Variants in EIF1AD observed in about 807,000 individuals in gnomAD.
EIF1AD encodes eukaryotic translation initiation factor 1A domain containing, also known as probable RNA-binding protein EIF1AD.
EIF1AD carries 9 observed loss-of-function variants against 21.7 expected under a neutral mutation model. That is an observed-to-expected ratio of 0.41 (90% CI 0.25 to 0.72). The LOEUF (loss-of-function observed/expected upper bound fraction) is 0.72, where lower values mean the gene tolerates loss of function less well. EIF1AD is among the 30% of genes least tolerant of loss of function. EIF1AD has a pLI of 0.29. For missense variants in EIF1AD, 164 were observed against 199.7 expected (o/e 0.82, Z 1.08); for synonymous variants, 78 against 70.9 (o/e 1.10, Z -0.50).
At chr11:66,000,969 T>C (rs1855929058) in intron 1 of EIF1AD, among the ~76,000 whole-genome samples, 1 of 152,162 alleles carries the variant, frequency 6.6e-6, no homozygotes, top group South Asian at 2.1e-4. Flanking sequence ...ACTTGATCTA[T>C]TATGACTTTT....
chr11:65,998,113 G>C lies in EIF1AD; in HGVS notation c.*486C>G, dbSNP rs1855796474. The C allele has an allele frequency of 6.5e-6, 1 of 154,338 alleles. No homozygotes were observed. Among genetic ancestry groups the C allele is most frequent in the Non-Finnish European group, 1.4e-5 (1 of 69,394 alleles). The allele number at this position is 154,338 out of a possible 1,614,324, so 9.6% of individuals were successfully genotyped here. A position where few individuals can be genotyped will look rare whatever the true frequency, so the allele number is the denominator to read the frequency against. On this transcript the variant is annotated 3_prime_UTR_variant, in exon 6 of 6. Coordinates refer to ENST00000533544, the MANE Select transcript of EIF1AD (RefSeq NM_001242481.2). ...ACAGCACGAGGCACCATGGGCTCCT[G>C]AGCGTCTCTTAGAGGCAGGTGGGTG... is the stretch of plus-strand genomic sequence containing the variant.
Position 65,998,632 on chromosome 11 carries a change from A to T in EIF1AD, c.465T>A (p.Ser155Arg). The change falls in exon 6 of 6, where the codon AGT becomes AGA. Residue 155 changes from serine (S) to arginine (R), a missense_variant. Ser to Arg is a moderately radical substitution (Grantham distance 110, BLOSUM62 -1). Coordinates refer to ENST00000533544, the MANE Select transcript of EIF1AD (RefSeq NM_001242481.2). ...CCTCCTCCTCTTCACTCTCCTCCTC[A>T]CTCTCATGATACTGTCTGCGGTTTG... Reference protein sequence around the residue: ...VNTNRRQYHESEEESEEEEAA With the variant: ...VNTNRRQYHEREEESEEEEAA The T allele has an allele frequency of 6.2e-7, 1 of 1,613,940 alleles. No homozygotes were observed. The highest frequency in any genetic ancestry group is 2.2e-5 in the East Asian group (1 of 44,884).
chr11:65,999,285 C>T, intron 5 of EIF1AD, 65 bp downstream of exon 5: 1 of 1,607,054 alleles, frequency 6.2e-7, no homozygotes, highest in Non-Finnish European at 8.5e-7. Context: ...TCTATTTTTC[C>T]CTCAAGGCAC....
At position 66,000,079 on chromosome 11, in the gene EIF1AD, T is replaced by C. The variant is rs759316463; in HGVS notation, c.170A>G (p.Tyr57Cys). The change falls in exon 3 of 6, where the codon TAC (tyrosine) becomes TGC (cysteine). Residue 57 changes from tyrosine to cysteine, a missense_variant. Tyr to Cys is a radical substitution (Grantham distance 194). Transcript: ENST00000533544. ...TCTCTTGATCCAGATGTTCTTGCGGTATTTGGAGGGCATGCTCACCAGGAA... is the reference window on the plus strand; with the variant it reads ...TCTCTTGATCCAGATGTTCTTGCGGCATTTGGAGGGCATGCTCACCAGGAA... Reference protein sequence around the residue: ...QRFLVSMPSKYRKNIWIKRGD... With the variant: ...QRFLVSMPSKCRKNIWIKRGD... 7 of 1,613,748 alleles carry C rather than the reference T, an allele frequency of 4.3e-6. No homozygotes were observed. The highest frequency in any genetic ancestry group is 1.3e-5 in the African/African-American group (1 of 74,902).
At chr11:65,999,519 G>T in intron 4 of EIF1AD, 48 bp downstream of exon 4, 1 of 1,594,066 alleles carries the variant, frequency 6.3e-7, no homozygotes, top group Non-Finnish European at 8.6e-7. Flanking sequence ...AGCTAGGAAG[G>T]CAATGCCTCC....
rs1277351337 is a variant in EIF1AD, at chr11:65,998,748, A to T, written c.354-5T>A. The T allele has an allele frequency of 1.2e-6, 2 of 1,613,916 alleles. No homozygotes were observed. The highest frequency in any genetic ancestry group is 2.7e-5 in the African/African-American group (2 of 74,914). On this transcript the variant is annotated splice_polypyrimidine_tract_variant and splice_region_variant and intron_variant, in intron 5 of 5. Coordinates refer to ENST00000533544, the MANE Select transcript of EIF1AD (RefSeq NM_001242481.2). ...GGGAGTTCTGGTTGAGTTTGTCTGC[A>T]CGAAGGGAAGAGAGCAGGGTTAGCC...
At position 66,000,066 on chromosome 11, in the gene EIF1AD, G is replaced by A; in HGVS notation, c.183C>T (p.Ile61=). 1 of 1,613,514 alleles carries A rather than the reference G, an allele frequency of 6.2e-7. No homozygotes were observed. The highest frequency in any genetic ancestry group is 1.1e-5 in the South Asian group (1 of 91,062). The change falls in exon 3 of 6, where the codon ATC becomes ATT. Residue 61 remains isoleucine (I), a synonymous_variant. Transcript: ENST00000533544. Reference sequence around the variant, plus strand: ...TAATCCTCTCACCTCTCTTGATCCAGATGTTCTTGCGGTATTTGGAGGGCA... The same window carrying A: ...TAATCCTCTCACCTCTCTTGATCCAAATGTTCTTGCGGTATTTGGAGGGCA... The part of the protein sequence containing the change: ...VSMPSKYRKN[I]WIKRGDFLIV...
In EIF1AD at chr11:65,998,502, T is replaced by C; in HGVS notation, c.*97A>G. On this transcript the variant is annotated 3_prime_UTR_variant, in exon 6 of 6. Transcript: ENST00000533544. ...AGAGAGGAGCCCTGCTTTGTCCTCATGCAGGGGTGAAGATGTGCAGAGCAC... is the reference window on the plus strand; with the variant it reads ...AGAGAGGAGCCCTGCTTTGTCCTCACGCAGGGGTGAAGATGTGCAGAGCAC... 2 of 1,444,530 alleles carry C rather than the reference T, an allele frequency of 1.4e-6. No homozygotes were observed. Among genetic ancestry groups the C allele is most frequent in the Non-Finnish European group, 9.4e-7 (1 of 1,062,422 alleles). The allele number at this position is 1,444,530 out of a possible 1,614,324, so 89.5% of individuals were successfully genotyped here. A position where few individuals can be genotyped will look rare whatever the true frequency, so the allele number is the denominator to read the frequency against.
In EIF1AD at chr11:66,000,517, C is replaced by T; in HGVS notation, c.-116-12G>A. On this transcript the variant is annotated splice_polypyrimidine_tract_variant and intron_variant, in intron 1 of 5. Coordinates refer to ENST00000533544, the MANE Select transcript of EIF1AD (RefSeq NM_001242481.2). Reference sequence around the variant, plus strand: ...GGAGGGGCCTTTTACTGAGGGGTGACACGGTGTCTTGGTTAAGAACATGGG... The same window carrying T: ...GGAGGGGCCTTTTACTGAGGGGTGATACGGTGTCTTGGTTAAGAACATGGG... 2 of 839,908 alleles carry T rather than the reference C, an allele frequency of 2.4e-6. No homozygotes were observed. Among genetic ancestry groups the T allele is most frequent in the Non-Finnish European group, 3.8e-6 (2 of 526,676 alleles). 52.0% of individuals were successfully genotyped at this position (839,908 alleles called of 1,614,324 possible). A position where few individuals can be genotyped will look rare whatever the true frequency, so the allele number is the denominator to read the frequency against.
rs529185962 is a variant in EIF1AD at position 65,997,017 on chromosome 11, C to T, written c.*1582G>A. ...ACCAGCCTGGCCAACATGGCAAAAC[C>T]TCGTCTCTACTGAAAATATAAAAAT... is the stretch of plus-strand genomic sequence containing the variant. On this transcript the variant is annotated 3_prime_UTR_variant, in exon 6 of 6. Transcript: ENST00000533544. The T allele has an allele frequency of 1.3e-5, 2 of 152,234 alleles. No homozygotes were observed. Among genetic ancestry groups the T allele is most frequent in the East Asian group, 1.9e-4 (1 of 5,178 alleles). 9.4% of individuals were successfully genotyped at this position (152,234 alleles called of 1,614,324 possible).
intron 5 of EIF1AD, among the ~76,000 whole-genome samples, chr11:65,999,004 T>C (rs1180558014): frequency 2.6e-5 from 4 of 152,178 alleles, no homozygotes; most frequent in Non-Finnish European, 4.4e-5. Flanking sequence ...GACCACCAAC[T>C]AACACTTAAT....
At chr11:66,000,009 C>T (rs757525804) in intron 3 of EIF1AD, 44 bp downstream of exon 3, 2 of 1,478,850 alleles carry the variant, frequency 1.4e-6, no homozygotes, top group Non-Finnish European at 1.9e-6. Flanking sequence ...ATCCTCCCAT[C>T]TCAGCCTCTC....
rs994048294 is a variant in EIF1AD at position 65,999,590 on chromosome 11, G to A, written c.282C>T (p.Arg94=). Residue 94 remains arginine, a synonymous_variant, in exon 4 of 6, where the codon CGC becomes CGT. Coordinates refer to ENST00000533544, the MANE Select transcript of EIF1AD (RefSeq NM_001242481.2). ...ACCAAAACCCCTCCTTCTGCAGAGAGCGCACGTGGTCCTTGCAGAGCACAA... is the reference window on the plus strand; with the variant it reads ...ACCAAAACCCCTCCTTCTGCAGAGAACGCACGTGGTCCTTGCAGAGCACAA... ...ISFVLCKDHV[R]SLQKEGFWPE... 1.2e-6 allele frequency: 2 copies of A among 1,613,758 alleles called. No homozygotes were observed. The highest frequency in any genetic ancestry group is 1.3e-5 in the African/African-American group (1 of 75,054).
intron 1 of EIF1AD, 42 bp downstream of exon 1, chr11:66,001,861 TCCTCCTC>T (rs906071671): frequency 2.0e-5 from 3 of 152,246 alleles, no homozygotes; most frequent in African/African-American, 7.2e-5. Context: ...CTGTCCTCCT[TCCTCCTC>T]CCTGTCTATC....
At position 65,998,740 on chromosome 11, in the gene EIF1AD, T is replaced by C; in HGVS notation, c.357A>G (p.Gln119=). The C allele has an allele frequency of 1.2e-6, 2 of 1,614,068 alleles. No individual in the cohort carries two copies. Among genetic ancestry groups the C allele is most frequent in the Non-Finnish European group, 1.7e-6 (2 of 1,179,964 alleles). Residue 119 remains glutamine (Q), a synonymous_variant, in exon 6 of 6, where the codon CAA becomes CAG. Transcript: ENST00000533544. ...GCTCAGCTGGGAGTTCTGGTTGAGT[T>C]TGTCTGCACGAAGGGAAGAGAGCAG... is the stretch of plus-strand genomic sequence containing the variant. ...VAEKHNNRNR[Q]TQPELPAEPQ... is the part of the protein sequence containing the mutation.
rs1048647516 is a variant in EIF1AD at position 65,998,536 on chromosome 11, T to A, written c.*63A>T. ...GAAGATGTGCAGAGCACCCTGGGAA[T>A]GTCCAAGCCCAGAAGAGCCAGGGGC... On this transcript the variant is annotated 3_prime_UTR_variant, in exon 6 of 6. Transcript: ENST00000533544. 3 of 1,588,124 alleles carry A rather than the reference T, an allele frequency of 1.9e-6. No homozygotes were observed. In the East Asian group the frequency reaches 6.7e-5, roughly 36 times the overall value.
At chr11:65,999,781 C>T in intron 3 of EIF1AD, 106 bp from the exon 4 acceptor site, 1 of 793,000 alleles carries the variant, frequency 1.3e-6, no homozygotes, top group Non-Finnish European at 2.1e-6. Context: ...TCTCTCACCT[C>T]TCTCTTTTTT....
At chr11:66,000,659 G>T in intron 1 of EIF1AD, 154 bp from the exon 2 acceptor site, 1 of 382,722 alleles carries the variant, frequency 2.6e-6, no homozygotes, top group Non-Finnish European at 4.9e-6. Context: ...TATGGTATGA[G>T]GCCACCACTT....
chr11:65,998,736 G>C lies in EIF1AD; in HGVS notation c.361C>G (p.Gln121Glu). 6.2e-7 allele frequency: 1 copy of C among 1,614,114 alleles called. No homozygotes were observed. Among genetic ancestry groups the C allele is most frequent in the Non-Finnish European group, 8.5e-7 (1 of 1,179,996 alleles). ...TGTGGCTCAGCTGGGAGTTCTGGTT[G>C]AGTTTGTCTGCACGAAGGGAAGAGA... ...EKHNNRNRQT[Q>E]PELPAEPQLS... is the part of the protein sequence containing the mutation. The change falls in exon 6 of 6, where the codon CAA (glutamine) becomes GAA (glutamate). Residue 121 changes from glutamine to glutamate, a missense_variant. Coordinates refer to ENST00000533544, the MANE Select transcript of EIF1AD (RefSeq NM_001242481.2).
Sources: allele counts gnomAD v4.1 joint callset (sites outside exome capture counted in the v4.1 genomes callset), GRCh38; gene constraint gnomAD v4.1.1; transcripts MANE v1.5; gene names NCBI Gene and HGNC (gene_info 2026-07-23, HGNC 2026-07-21).